The following CFAP61 variants were observed in gnomAD, a reference collection of about 807,000 sequenced individuals.
CFAP61 encodes cilia and flagella associated protein 61.
In CFAP61, 107 loss-of-function variants were observed where a neutral mutation model predicts 135.6. The observed-to-expected ratio is 0.79, with a 90% CI of 0.67 to 0.93. The LOEUF (loss-of-function observed/expected upper bound fraction) is 0.93. Among genes scored for constraint, CFAP61 ranks in the 40% least tolerant of loss-of-function variants. CFAP61 has a pLI of 0.00. For missense variants in CFAP61, 1,507 were observed against 1,556.2 expected, an observed-to-expected ratio of 0.97 and a Z score of 0.53; for synonymous variants, 575 against 578.5, an observed-to-expected ratio of 0.99 and a Z score of 0.09.
intron 8 of CFAP61, among the ~76,000 whole-genome samples, chr20:20,127,522 G>A (rs1014897660): frequency 4.0e-5 from 6 of 151,494 alleles, no homozygotes; most frequent in African/African-American, 1.5e-4. Flanking sequence ...AGTCTACCCA[G>A]CTCTGGGCTG....
intron 16 of CFAP61, 86 bp from the exon 17 acceptor site, chr20:20,199,681 GT>G: frequency 6.8e-7 from 1 of 1,462,004 alleles, no homozygotes; most frequent in Admixed American, 2.0e-5. Flanking sequence ...CGAGTTAAGA[GT>G]TTTGTATTTG....
At chr20:20,087,374 G>A (rs1248678693) in intron 6 of CFAP61, among the ~76,000 whole-genome samples, 2 of 152,090 alleles carry the variant, frequency 1.3e-5, no homozygotes, top group Non-Finnish European at 2.9e-5. Flanking sequence ...ACTTATAAGT[G>A]AAAACATGCA....
chr20:20,360,173 T>C (rs201070074), intron 26 of CFAP61, 37 bp from the exon 27 acceptor site: 1 of 1,516,332 alleles, frequency 6.6e-7, no homozygotes. Flanking sequence ...CAGGGTCCAA[T>C]TAATTTCTGT....
intron 1 of CFAP61, 29 bp downstream of exon 1, chr20:20,052,620 A>T (rs1568773147): frequency 6.2e-7 from 1 of 1,613,700 alleles, no homozygotes; most frequent in Non-Finnish European, 8.5e-7. Flanking sequence ...ACTAGCAGCG[A>T]CGCAAGGACT....
At chr20:20,232,355 T>A (rs547565161) in intron 18 of CFAP61, among the ~76,000 whole-genome samples, 9 of 151,950 alleles carry the variant, frequency 5.9e-5, no homozygotes, top group South Asian at 4.2e-4. Flanking sequence ...CCTTTTTTTT[T>A]AATTATATAA....
chr20:20,341,807 C>T (rs766353660), intron 25 of CFAP61, 24 bp from the exon 26 acceptor site: 79 of 1,579,132 alleles, frequency 5.0e-5, no homozygotes, highest in Non-Finnish European at 6.5e-5. Context: ...TGCCAGCTCA[C>T]TGAGTCTCTT....
intron 18 of CFAP61, among the ~76,000 whole-genome samples, chr20:20,233,377 G>A (rs1349905508): frequency 5.9e-5 from 9 of 152,176 alleles, no homozygotes; most frequent in African/African-American, 1.9e-4. Flanking sequence ...TGTGCGCCTC[G>A]CAATTGCCCT....
intron 2 of CFAP61, among the ~76,000 whole-genome samples, chr20:20,059,084 A>G (rs1451316836): frequency 6.6e-6 from 1 of 152,134 alleles, no homozygotes; most frequent in African/African-American, 2.4e-5. Flanking sequence ...TAATCCCAGC[A>G]CTTTGGGAGG....
chr20:20,112,797 C>T (rs1002261115), intron 8 of CFAP61, among the ~76,000 whole-genome samples: 3 of 152,208 alleles, frequency 2.0e-5, no homozygotes, highest in African/African-American at 4.8e-5. Flanking sequence ...ATGCATCTTC[C>T]ACTCAGTATT....
intron 20 of CFAP61, among the ~76,000 whole-genome samples, chr20:20,257,272 C>T (rs1008876753): frequency 2.0e-5 from 3 of 152,068 alleles, no homozygotes; most frequent in Non-Finnish European, 2.9e-5. Context: ...AATTATCTTC[C>T]GTGTTCTTTG....
chr20:20,317,646 T>G (rs989560809), intron 25 of CFAP61, among the ~76,000 whole-genome samples: 1 of 152,168 alleles, frequency 6.6e-6, no homozygotes, highest in African/African-American at 2.4e-5. Flanking sequence ...GTGCCACTCT[T>G]TGGATCCCAC....
rs1304742158 is a variant in CFAP61, at chr20:20,338,397, A to C, written c.3423-3434A>C. On this transcript the variant is annotated intron_variant, in intron 25 of 26. Transcript: ENST00000245957. ...AGTGTCAGCTGGGGAGCCTGTGAAC[A>C]GCTCTAAAAGTAGACACTTTTTTTT... Among the ~76,000 whole-genome samples, 16 of 152,316 alleles carry C rather than the reference A, an allele frequency of 1.1e-4. 1 individual carries two copies. In the East Asian group the frequency reaches 3.1e-3, roughly 29 times the overall value.
chr20:20,073,159 A>G (rs868268690), intron 3 of CFAP61, among the ~76,000 whole-genome samples: 4 of 152,256 alleles, frequency 2.6e-5, no homozygotes, highest in African/African-American at 9.6e-5. Context: ...AATAAGCCAT[A>G]TGCTCCTGAG....
chr20:20,191,270 A>T, intron 14 of CFAP61, 72 bp from the exon 15 acceptor site: 1 of 1,283,332 alleles, frequency 7.8e-7, no homozygotes, highest in Non-Finnish European at 1.1e-6. Context: ...GTTAAGACCC[A>T]CTGTTGCCTG....
At chr20:20,337,844 A>G (rs548058381) in intron 25 of CFAP61, among the ~76,000 whole-genome samples, 2 of 152,140 alleles carry the variant, frequency 1.3e-5, no homozygotes, top group African/African-American at 4.8e-5. Context: ...GCTGTGACCA[A>G]TGGAGAGGAG....
rs146951705 is a variant in CFAP61, at chr20:20,119,126, G to A, written c.859+20312G>A. Among the ~76,000 whole-genome samples, 595 of 152,098 alleles carry A rather than the reference G, an allele frequency of 3.9e-3. 6 individuals carry two copies. Among genetic ancestry groups the A allele is most frequent in the Admixed American group, 0.035 (536 of 15,266 alleles). ...CTGGTTTTGATATTACAGTAATGCT[G>A]TCCTCATACAATGAGTTTAGAAGTA... On this transcript the variant is annotated intron_variant, in intron 8 of 26. Coordinates refer to ENST00000245957, the MANE Select transcript of CFAP61 (RefSeq NM_015585.4).
intron 24 of CFAP61, among the ~76,000 whole-genome samples, chr20:20,296,547 CA>C (rs1390660411): frequency 6.6e-6 from 1 of 150,486 alleles, no homozygotes; most frequent in East Asian, 2.0e-4. Flanking sequence ...ATTTGTTCAT[CA>C]AAAAATCTAG....
intron 6 of CFAP61, among the ~76,000 whole-genome samples, chr20:20,082,869 A>G (rs917507511): frequency 5.3e-5 from 8 of 152,188 alleles, no homozygotes; most frequent in Non-Finnish European, 1.2e-4. Flanking sequence ...TGTGGTGAAA[A>G]AGAACACTTT....
intron 11 of CFAP61, 23 bp downstream of exon 11, chr20:20,164,251 G>C (rs920347188): frequency 6.3e-7 from 1 of 1,585,310 alleles, no homozygotes; most frequent in Non-Finnish European, 8.6e-7. Context: ...CTTCTGGCTG[G>C]CTGTCACAGT....
Sources: gnomAD v4.1 joint callset for allele counts (sites outside exome capture counted in the v4.1 genomes callset) on GRCh38, gnomAD v4.1.1 for gene constraint, MANE v1.5 for transcripts, NCBI Gene and HGNC (gene_info 2026-07-23, HGNC 2026-07-21) for gene names.